Variants in GNAI1 observed in about 807,000 individuals in gnomAD.
GNAI1 encodes G protein subunit alpha i1.
GNAI1 carries 11 observed loss-of-function variants against 38.9 expected under a neutral mutation model. The observed-to-expected ratio is 0.28, with a 90% CI of 0.18 to 0.47. The LOEUF (loss-of-function observed/expected upper bound fraction) is 0.47. Among genes scored for constraint, GNAI1 ranks in the 20% least tolerant of loss-of-function variants. The probability of loss-of-function intolerance (pLI) is 0.99; values close to 1 mark genes in which losing one functional copy is unlikely to be tolerated. For missense variants in GNAI1, 317 were observed against 436.9 expected (o/e 0.73, Z 2.45); for synonymous variants, 166 against 145.1 (o/e 1.14, Z -1.04).
chr7:80,212,964 G>C (rs1176755576), intron 7 of GNAI1, 95 bp downstream of exon 7: 5 of 852,066 alleles, frequency 5.9e-6, no homozygotes, highest in Non-Finnish European at 9.2e-6. Context: ...TAAATCTCTT[G>C]GCTTAGTGAT....
In GNAI1 at chr7:80,225,956, A is replaced by G. The variant is rs1484365409; in HGVS notation, c.*8463A>G. Among the ~76,000 whole-genome samples, 1 of 152,190 alleles carries G rather than the reference A, an allele frequency of 6.6e-6. No individual in the cohort carries two copies. The highest frequency in any genetic ancestry group is 2.4e-5 in the African/African-American group (1 of 41,456). On this transcript the variant is annotated 3_prime_UTR_variant, in exon 8 of 8. Transcript: ENST00000649796. ...AGTGTGCATCAAATAAAAGTTTACT[A>G]TATTGGAATATGGGAATAAATTCAT...
intron 1 of GNAI1, among the ~76,000 whole-genome samples, chr7:80,137,317 C>CTTTTTTTTTTTTTTTTTTTTTTTTT (rs398005254): frequency 3.3e-4 from 18 of 54,008 alleles, no homozygotes; most frequent in African/African-American, 5.4e-4. Flanking sequence ...CTTTTCTTTT[C>CTTTTTTTTTTTTTTTTTTTTTTTTT]TTTTTTTTTT....
intron 1 of GNAI1, among the ~76,000 whole-genome samples, chr7:80,158,640 C>A (rs535435745): frequency 6.6e-6 from 1 of 152,318 alleles, no homozygotes; most frequent in South Asian, 2.1e-4. Context: ...GCCTCCCCAG[C>A]CATGCTGAAC....
chr7:80,192,193 CTG>C (rs1283668780), intron 3 of GNAI1, among the ~76,000 whole-genome samples: 1 of 152,100 alleles, frequency 6.6e-6, no homozygotes, highest in Non-Finnish European at 1.5e-5. Context: ...ATTCTCACTT[CTG>C]TGTTTTGTTT....
intron 1 of GNAI1, among the ~76,000 whole-genome samples, chr7:80,173,239 G>T (rs1282937201): frequency 6.6e-6 from 1 of 152,142 alleles, no homozygotes; most frequent in Non-Finnish European, 1.5e-5. Context: ...GCCATCTCAT[G>T]AAGATGACAG....
intron 1 of GNAI1, among the ~76,000 whole-genome samples, chr7:80,147,113 G>C (rs1236787886): frequency 6.6e-6 from 1 of 152,052 alleles, no homozygotes; most frequent in Non-Finnish European, 1.5e-5. Flanking sequence ...TTGATGATAC[G>C]ATTGTTCAGG....
chr7:80,190,063 A>G (rs576659642), intron 3 of GNAI1, among the ~76,000 whole-genome samples: 1 of 152,118 alleles, frequency 6.6e-6, no homozygotes, highest in South Asian at 2.1e-4. Flanking sequence ...TATATTCAGT[A>G]TACATACTGT....
chr7:80,208,325 A>T (rs1384290555), intron 5 of GNAI1, among the ~76,000 whole-genome samples: 1 of 152,212 alleles, frequency 6.6e-6, no homozygotes, highest in Non-Finnish European at 1.5e-5. Flanking sequence ...TTCTAATATA[A>T]GTGTAGAGCA....
rs146600910 is a variant in GNAI1 at position 80,186,756 on chromosome 7, A to G, written c.119-2195A>G. On this transcript the variant is annotated intron_variant, in intron 1 of 7. Transcript: ENST00000649796. ...ATCTAGAGTGTCCCATCATCACAGC[A>G]TGGCAACCACTGCCTCAACTCACAG... 7.1e-3 allele frequency among the ~76,000 whole-genome samples: 1,078 copies of G among 152,230 alleles called. 44 individuals are homozygous for G. The highest frequency in any genetic ancestry group is 0.061 in the Admixed American group (930 of 15,294).
intron 1 of GNAI1, among the ~76,000 whole-genome samples, chr7:80,173,800 C>G (rs1204198565): frequency 2.6e-5 from 4 of 152,142 alleles, no homozygotes; most frequent in South Asian, 4.1e-4. Context: ...AAGTGCAGTC[C>G]TCAGTCTTTT....
chr7:80,137,359 C>T (rs1384806645), intron 1 of GNAI1, among the ~76,000 whole-genome samples: 5 of 122,048 alleles, frequency 4.1e-5, no homozygotes, highest in Non-Finnish European at 7.9e-5. Context: ...CTTGCGCAGT[C>T]GCCCAGGCTG....
chr7:80,139,539 G>A (rs767193968), intron 1 of GNAI1, among the ~76,000 whole-genome samples: 12 of 152,100 alleles, frequency 7.9e-5, no homozygotes, highest in Non-Finnish European at 1.5e-4. Context: ...CACTTTAAAG[G>A]CAGAATTTTT....
At position 80,223,246 on chromosome 7, in the gene GNAI1, ATAAT is replaced by A. The variant is rs1789110037; in HGVS notation, c.*5759_*5762del. ...CTGCAGTGTCTATGGAGGGATTCTT[ATAAT>A]TAATTTTATTCCTGTGCAAACACAC... On this transcript the variant is annotated 3_prime_UTR_variant, in exon 8 of 8. Transcript: ENST00000649796. 6.6e-6 allele frequency among the ~76,000 whole-genome samples: 1 copy of A among 152,206 alleles called. No homozygotes were observed. Among genetic ancestry groups the A allele is most frequent in the Admixed American group, 6.5e-5 (1 of 15,276 alleles).
At position 80,137,287 on chromosome 7, in the gene GNAI1, TTTTTTC is replaced by T. The variant is rs1787432281; in HGVS notation, c.118+2015_118+2020del. Among the ~76,000 whole-genome samples, 4 of 105,752 alleles carry T rather than the reference TTTTTTC, an allele frequency of 3.8e-5. 1 individual carries two copies. The South Asian group carries it at 1.4e-3, about 36-fold the overall frequency. The allele number at this position is 105,752 out of a possible 152,430, so 69.4% of individuals were successfully genotyped here. ...ATTATGGAATTCTTATTTCTTTTTC[TTTTTTC>T]TTTTTTTTTTTTTCTTTTCTTTTCT... On this transcript the variant is annotated intron_variant, in intron 1 of 7. Coordinates refer to ENST00000649796, the MANE Select transcript of GNAI1 (RefSeq NM_002069.6).
intron 1 of GNAI1, among the ~76,000 whole-genome samples, chr7:80,163,113 G>C (rs530663738): frequency 2.6e-5 from 4 of 152,254 alleles, no homozygotes; most frequent in South Asian, 2.1e-4. Flanking sequence ...TCTGGGACTT[G>C]TGTTGATTTC....
intron 1 of GNAI1, among the ~76,000 whole-genome samples, chr7:80,175,231 T>G (rs1263783911): frequency 1.3e-5 from 2 of 152,202 alleles, no homozygotes; most frequent in Non-Finnish European, 2.9e-5. Flanking sequence ...CAAATAAAAT[T>G]TTTAAAATAA....
intron 1 of GNAI1, among the ~76,000 whole-genome samples, chr7:80,161,988 A>G (rs528560474): frequency 6.6e-6 from 1 of 152,210 alleles, no homozygotes; most frequent in Non-Finnish European, 1.5e-5. Flanking sequence ...TGTGCTGTGG[A>G]CTGAATGTGT....
chr7:80,217,244 T>TTTCATAGGTATGAAACTGA, intron 7 of GNAI1, 59 bp from the exon 8 acceptor site: 10 of 1,093,782 alleles, frequency 9.1e-6, no homozygotes, highest in Non-Finnish European at 1.2e-5. Context: ...CTGAATTCAG[T>TTTCATAGGTATGAAACTGA]ATTTTAAGCA....
chr7:80,184,392 G>A (rs1426974697), intron 1 of GNAI1, among the ~76,000 whole-genome samples: 1 of 152,096 alleles, frequency 6.6e-6, no homozygotes, highest in Non-Finnish European at 1.5e-5. Context: ...CTTCCCTTGG[G>A]GTGGGCTGTT....
Sources: allele counts gnomAD v4.1 joint callset (sites outside exome capture counted in the v4.1 genomes callset), GRCh38; gene constraint gnomAD v4.1.1; transcripts MANE v1.5; gene names NCBI Gene and HGNC (gene_info 2026-07-23, HGNC 2026-07-21).